The following KIAA0319L variants were observed in gnomAD, a reference collection of about 807,000 sequenced individuals.
KIAA0319L encodes the protein KIAA0319 like.
A neutral mutation model predicts 120.1 loss-of-function variants in KIAA0319L; 55 were observed. That is an observed-to-expected ratio of 0.46 (90% confidence interval 0.37 to 0.57). The LOEUF (loss-of-function observed/expected upper bound fraction) is 0.57, where lower values mean the gene tolerates loss of function less well. Among genes scored for constraint, KIAA0319L ranks in the 20% least tolerant of loss-of-function variants. The probability of loss-of-function intolerance (pLI) is 0.00; values close to 1 mark genes in which losing one functional copy is unlikely to be tolerated. For missense variants in KIAA0319L, 1,049 were observed against 1,255.3 expected, an observed-to-expected ratio of 0.84 and a Z score of 2.48; for synonymous variants, 398 against 471.9, an observed-to-expected ratio of 0.84 and a Z score of 2.03.
intron 2 of KIAA0319L, among the ~76,000 whole-genome samples, chr1:35,538,654 G>C (rs1054801030): frequency 6.7e-6 from 1 of 148,798 alleles, no homozygotes; most frequent in Non-Finnish European, 1.5e-5. Context: ...CTGAATGTGA[G>C]ATAACACATA....
chr1:35,491,271 G>C (rs1304155743), intron 3 of KIAA0319L, among the ~76,000 whole-genome samples: 1 of 152,106 alleles, frequency 6.6e-6, no homozygotes, highest in Non-Finnish European at 1.5e-5. Context: ...AAGGGAGAGG[G>C]ACAGAAAAAT....
chr1:35,535,441 A>C (rs2148479226), intron 2 of KIAA0319L, among the ~76,000 whole-genome samples: 1 of 152,292 alleles, frequency 6.6e-6, no homozygotes, highest in East Asian at 1.9e-4. Flanking sequence ...ATCTGTGGTT[A>C]AAGCTTTAGT....
intron 2 of KIAA0319L, among the ~76,000 whole-genome samples, chr1:35,518,949 A>G (rs1194999915): frequency 6.7e-6 from 1 of 148,764 alleles, no homozygotes; most frequent in African/African-American, 2.5e-5. Context: ...GGTTGCAGTG[A>G]GCCAAGATCA....
chr1:35,442,392 C>A (rs1057170859), intron 18 of KIAA0319L, 56 bp from the exon 19 acceptor site: 49 of 1,355,642 alleles, frequency 3.6e-5, no homozygotes, highest in Non-Finnish European at 4.9e-5. Context: ...GGAGGGAGGT[C>A]TGGGCTGCTC....
chr1:35,515,701 A>C (rs1040611920), intron 2 of KIAA0319L, among the ~76,000 whole-genome samples: 1 of 152,184 alleles, frequency 6.6e-6, no homozygotes, highest in South Asian at 2.1e-4. Context: ...GAAATAACCA[A>C]AATCGGAGCT....
rs749360336 is a variant in KIAA0319L at position 35,479,255 on chromosome 1, T to C, written c.667-43A>G. 3 of 1,545,856 alleles carry C rather than the reference T, an allele frequency of 1.9e-6. No individual in the cohort carries two copies. In the Admixed American group the frequency reaches 5.2e-5, roughly 27 times the overall value. ...CTAATTTGAGTAGGTAAAAGTTACA[T>C]AATTTTTCAGGTTATGTCTCATGAA... On this transcript the variant is annotated intron_variant, in intron 3 of 20. Coordinates refer to ENST00000325722, the MANE Select transcript of KIAA0319L (RefSeq NM_024874.5).
In KIAA0319L at chr1:35,450,491, A is replaced by G; in HGVS notation, c.2081T>C (p.Ile694Thr). The G allele has an allele frequency of 6.2e-7, 1 of 1,613,300 alleles. No individual in the cohort carries two copies. The highest frequency in any genetic ancestry group is 8.5e-7 in the Non-Finnish European group (1 of 1,179,488). ...CACCACATTCCCAGTTATCTTGGCT[A>G]TAGGTGGTTTGTTTATTTCTAATCA... ...IVKEEINKPP[I>T]AKITGNVVIT... Residue 694 changes from isoleucine (I) to threonine (T), a missense_variant, in exon 14 of 21, where the codon ATA becomes ACA. Coordinates refer to ENST00000325722, the MANE Select transcript of KIAA0319L (RefSeq NM_024874.5).
intron 3 of KIAA0319L, among the ~76,000 whole-genome samples, chr1:35,484,789 TATATATATA>T (rs1644305650): frequency 7.4e-5 from 5 of 67,690 alleles, no homozygotes; most frequent in African/African-American, 2.9e-4. Flanking sequence ...TATATATATA[TATATATATA>T]TATATATATT....
intron 3 of KIAA0319L, among the ~76,000 whole-genome samples, chr1:35,503,304 CT>C (rs1252844936): frequency 2.0e-5 from 3 of 152,190 alleles, no homozygotes; most frequent in Non-Finnish European, 4.4e-5. Context: ...AGGAAGTATC[CT>C]GCTTAAGACT....
intron 9 of KIAA0319L, among the ~76,000 whole-genome samples, chr1:35,456,623 C>T (rs151178788): frequency 9.2e-5 from 14 of 151,990 alleles, no homozygotes; most frequent in African/African-American, 2.9e-4. Context: ...ACCAGCCTGG[C>T]CAACATGGTG....
rs187543755 is a variant in KIAA0319L at position 35,492,760 on chromosome 1, T to G, written c.667-13548A>C. ...AATTCCCTACAGCTGATGAAAGGTA[T>G]CTTCAAAAAACCTACAGCTAACATC... On this transcript the variant is annotated intron_variant, in intron 3 of 20. Coordinates refer to ENST00000325722, the MANE Select transcript of KIAA0319L (RefSeq NM_024874.5). Among the ~76,000 whole-genome samples, 195 of 152,262 alleles carry G rather than the reference T, an allele frequency of 1.3e-3. 1 individual carries two copies. Among genetic ancestry groups the G allele is most frequent in the African/African-American group, 4.1e-3 (170 of 41,552 alleles).
chr1:35,504,937 T>C (rs997205688), intron 3 of KIAA0319L, among the ~76,000 whole-genome samples: 1 of 152,200 alleles, frequency 6.6e-6, no homozygotes, highest in Non-Finnish European at 1.5e-5. Context: ...GCTCGCCATA[T>C]TCTAGGGCAC....
chr1:35,439,352 G>C (rs1316093752), intron 20 of KIAA0319L: 1 of 152,202 alleles, frequency 6.6e-6, no homozygotes, highest in Non-Finnish European at 1.5e-5. Flanking sequence ...CATATTTTAT[G>C]TATTTGTGAG....
At position 35,507,678 on chromosome 1, in the gene KIAA0319L, T is replaced by C. The variant is rs1050790758; in HGVS notation, c.143-543A>G. Among the ~76,000 whole-genome samples, 6 of 152,346 alleles carry C rather than the reference T, an allele frequency of 3.9e-5. No homozygotes were observed. The South Asian group carries it at 6.2e-4, about 16-fold the overall frequency. ...AGTACTCTGAACCTCATGCAGTTAA[T>C]AGGCACATTCATTCTTTAACCAATC... On this transcript the variant is annotated intron_variant, in intron 2 of 20. Transcript: ENST00000325722.
intron 2 of KIAA0319L, chr1:35,533,256 G>A (rs965192065): frequency 1.3e-5 from 2 of 152,114 alleles, no homozygotes; most frequent in African/African-American, 2.4e-5. Flanking sequence ...GAGACAGAAC[G>A]TCCCCTGTTT....
chr1:35,555,401 T>C (rs1238444870), intron 1 of KIAA0319L, among the ~76,000 whole-genome samples: 1 of 152,194 alleles, frequency 6.6e-6, no homozygotes, highest in East Asian at 1.9e-4. Flanking sequence ...CAGCATTGCC[T>C]GGGCTGGATA....
intron 3 of KIAA0319L, among the ~76,000 whole-genome samples, chr1:35,490,046 G>A (rs369437040): frequency 6.6e-6 from 1 of 151,928 alleles, no homozygotes; most frequent in Non-Finnish European, 1.5e-5. Flanking sequence ...CTGCAGCCTC[G>A]ACCTCCCAGG....
intron 3 of KIAA0319L, among the ~76,000 whole-genome samples, chr1:35,494,577 T>C (rs1644726373): frequency 6.6e-6 from 1 of 151,872 alleles, no homozygotes; most frequent in African/African-American, 2.4e-5. Flanking sequence ...GGTGGATTGC[T>C]TGAGTCCAGG....
At chr1:35,479,586 G>A (rs1469283974) in intron 3 of KIAA0319L, among the ~76,000 whole-genome samples, 1 of 152,072 alleles carries the variant, frequency 6.6e-6, no homozygotes, top group Non-Finnish European at 1.5e-5. Flanking sequence ...TAATCGTTGA[G>A]CACTGAAAGC....
Sources: allele counts gnomAD v4.1 joint callset (sites outside exome capture counted in the v4.1 genomes callset), GRCh38; gene constraint gnomAD v4.1.1; transcripts MANE v1.5; gene names NCBI Gene and HGNC (gene_info 2026-07-23, HGNC 2026-07-21).